The following ARHGAP21 variants were observed in gnomAD, a reference collection of about 807,000 sequenced individuals.
ARHGAP21 encodes Rho GTPase activating protein 21.
Under a neutral mutation model 164.6 loss-of-function variants are expected in ARHGAP21, and 38 were observed. That is an observed-to-expected ratio of 0.23 (90% CI 0.18 to 0.30). The LOEUF (loss-of-function observed/expected upper bound fraction) is 0.30, where lower values mean the gene tolerates loss of function less well. Among genes scored for constraint, ARHGAP21 ranks in the 10% least tolerant of loss-of-function variants. The probability of loss-of-function intolerance (pLI) is 1.00; values close to 1 mark genes in which losing one functional copy is unlikely to be tolerated. For synonymous variants in ARHGAP21, 766 were observed against 857.9 expected, an observed-to-expected ratio of 0.89 and a Z score of 1.87; for missense variants, 1,822 against 2,370.7, an observed-to-expected ratio of 0.77 and a Z score of 4.81.
intron 4 of ARHGAP21, among the ~76,000 whole-genome samples, chr10:24,658,047 T>TA (rs796913659): frequency 9.1e-5 from 2 of 21,924 alleles, no homozygotes; most frequent in Non-Finnish European, 1.6e-4. Flanking sequence ...GAATTATCAA[T>TA]AAAAAAATAA....
At position 24,588,290 on chromosome 10, in the gene ARHGAP21, T is replaced by G. The variant is rs2076187172; in HGVS notation, c.4182+981A>C. Among the ~76,000 whole-genome samples, 3 of 144,308 alleles carry G rather than the reference T, an allele frequency of 2.1e-5. No individual in the cohort carries two copies. The Admixed American group carries it at 2.1e-4, about 10-fold the overall frequency. The allele number at this position is 144,308 out of a possible 152,430, so 94.7% of individuals were successfully genotyped here. A position where few individuals can be genotyped will look rare whatever the true frequency, so the allele number is the denominator to read the frequency against. On this transcript the variant is annotated intron_variant, in intron 25 of 25. Transcript: ENST00000396432. ...TGAAGTATTTAGGAGTAGTGTTATC[T>G]CTACAAGTAACTATCAAATGATTCA... is the stretch of plus-strand genomic sequence containing the variant.
chr10:24,644,397 G>T (rs1837362794), intron 4 of ARHGAP21, among the ~76,000 whole-genome samples: 1 of 152,022 alleles, frequency 6.6e-6, no homozygotes. Flanking sequence ...CTAATTCAGG[G>T]TTTCTCAGAA....
chr10:24,619,742 A>T lies in ARHGAP21; in HGVS notation c.2153T>A (p.Leu718Ter). 6.2e-7 allele frequency: 1 copy of T among 1,614,152 alleles called. No individual in the cohort carries two copies. Among genetic ancestry groups the T allele is most frequent in the Non-Finnish European group, 8.5e-7 (1 of 1,180,038 alleles). Residue 718 changes from leucine (L) to a stop codon, truncating the protein, a stop_gained, in exon 9 of 26, where the codon TTA (leucine) becomes TAA (stop). Coordinates refer to ENST00000396432, the MANE Select transcript of ARHGAP21 (RefSeq NM_020824.4). LOFTEE classifies it high-confidence loss of function. ...PVSQRNQDLS[L>*]QEAETEQSDT... is the part of the protein sequence containing the mutation. ...TGATTGCTCAGTTTCAGCCTCTTGT[A>T]AACTTAAATCTTGATTCCTTTGACT...
chr10:24,625,708 C>A (rs1440219781), intron 7 of ARHGAP21, among the ~76,000 whole-genome samples: 1 of 152,156 alleles, frequency 6.6e-6, no homozygotes, highest in African/African-American at 2.4e-5. Flanking sequence ...CAAATGGCTA[C>A]TTAAATAGGA....
At chr10:24,629,485 T>C (rs1397476952) in intron 7 of ARHGAP21, 1 of 153,084 alleles carries the variant, frequency 6.5e-6, no homozygotes, top group Non-Finnish European at 1.5e-5. Context: ...ATTGTGAACA[T>C]TTTAGGAACG....
intron 2 of ARHGAP21, among the ~76,000 whole-genome samples, chr10:24,707,691 C>T (rs574328741): frequency 6.6e-6 from 1 of 152,318 alleles, no homozygotes; most frequent in Non-Finnish European, 1.5e-5. Flanking sequence ...CCAGAGTCAT[C>T]TTAGACTCCT....
chr10:24,608,538 A>C (rs2077127550), intron 9 of ARHGAP21, among the ~76,000 whole-genome samples: 1 of 152,182 alleles, frequency 6.6e-6, no homozygotes. Flanking sequence ...TTAAAATTAA[A>C]TGCCCCAGAA....
At chr10:24,637,686 A>G (rs563592550) in intron 4 of ARHGAP21, among the ~76,000 whole-genome samples, 1 of 152,334 alleles carries the variant, frequency 6.6e-6, no homozygotes, top group African/African-American at 2.4e-5. Flanking sequence ...TTAATTCTAC[A>G]AAAGAAATAC....
chr10:24,591,195 A>C, intron 24 of ARHGAP21, 30 bp downstream of exon 24: 3 of 1,513,530 alleles, frequency 2.0e-6, no homozygotes, highest in Non-Finnish European at 1.8e-6. Context: ...CTTTCAGCCT[A>C]GAGGTCAAGA....
At chr10:24,719,098 TAC>T (rs57863565) in intron 2 of ARHGAP21, among the ~76,000 whole-genome samples, 40,958 of 147,426 alleles carry the variant, frequency 0.28, 5,705 homozygotes, top group East Asian at 0.3. Context: ...CTTCACGGAC[TAC>T]ACACACACAC....
intron 2 of ARHGAP21, among the ~76,000 whole-genome samples, chr10:24,700,304 G>C (rs1195216267): frequency 6.6e-6 from 1 of 152,166 alleles, no homozygotes; most frequent in Non-Finnish European, 1.5e-5. Context: ...TTATACACAA[G>C]GTGATGAGTG....
chr10:24,612,621 A>G (rs900895935), intron 9 of ARHGAP21, among the ~76,000 whole-genome samples: 31 of 152,024 alleles, frequency 2.0e-4, no homozygotes, highest in Admixed American at 2.6e-4. Flanking sequence ...TTGGGAGGCC[A>G]AGGCGGGCGG....
intron 4 of ARHGAP21, among the ~76,000 whole-genome samples, chr10:24,653,105 C>T (rs1398286897): frequency 6.6e-6 from 1 of 152,154 alleles, no homozygotes; most frequent in Non-Finnish European, 1.5e-5. Context: ...AAAAAATACC[C>T]ATTTTAAGTG....
intron 2 of ARHGAP21, among the ~76,000 whole-genome samples, chr10:24,721,002 A>AT (rs1845870007): frequency 6.6e-6 from 1 of 152,040 alleles, no homozygotes; most frequent in Non-Finnish European, 1.5e-5. Flanking sequence ...AGGAAAAAAA[A>AT]AAAAGGTGAG....
chr10:24,659,866 C>T (rs866102834), intron 4 of ARHGAP21, among the ~76,000 whole-genome samples: 1 of 152,160 alleles, frequency 6.6e-6, no homozygotes, highest in African/African-American at 2.4e-5. Context: ...AGTTGTAGTC[C>T]AGTTCTGCCA....
intron 14 of ARHGAP21, among the ~76,000 whole-genome samples, chr10:24,598,733 A>G (rs2076687758): frequency 6.6e-6 from 1 of 152,144 alleles, no homozygotes; most frequent in African/African-American, 2.4e-5. Context: ...ACAGTTTACA[A>G]AGAATACAGT....
Position 24,595,707 on chromosome 10 carries a change from G to C in ARHGAP21, c.3712+10C>G, listed in dbSNP as rs771534873. Reference sequence around the variant, plus strand: ...ATTTCATCTGGTATCTTTCACGGGAGTTAACTCACCATTTGTGAAGAGAGG... The same window carrying C: ...ATTTCATCTGGTATCTTTCACGGGACTTAACTCACCATTTGTGAAGAGAGG... On this transcript the variant is annotated intron_variant, in intron 19 of 25. Transcript: ENST00000396432. 1 of 1,607,350 alleles carries C rather than the reference G, an allele frequency of 6.2e-7. No individual in the cohort carries two copies. Among genetic ancestry groups the C allele is most frequent in the African/African-American group, 1.3e-5 (1 of 74,826 alleles).
intron 7 of ARHGAP21, among the ~76,000 whole-genome samples, chr10:24,624,406 CTTGGCTCA>C (rs966799142): frequency 2.3e-5 from 3 of 129,240 alleles, no homozygotes; most frequent in African/African-American, 8.9e-5. Context: ...GTGGCGCAAT[CTTGGCTCA>C]CTGCAACCTG....
At chr10:24,718,377 T>C (rs12219181) in intron 2 of ARHGAP21, among the ~76,000 whole-genome samples, 18,330 of 151,830 alleles carry the variant, frequency 0.12, 1,304 homozygotes, top group East Asian at 0.3. Context: ...AAGCCTGAGA[T>C]AGAGGGGTAG....
Sources: allele counts gnomAD v4.1 joint callset (sites outside exome capture counted in the v4.1 genomes callset), GRCh38; gene constraint gnomAD v4.1.1; transcripts MANE v1.5; gene names NCBI Gene and HGNC (gene_info 2026-07-23, HGNC 2026-07-21).